Variants in ORC2 observed in about 807,000 individuals in gnomAD.
ORC2 encodes the protein origin recognition complex protein 2 homolog.
In ORC2, 37 loss-of-function variants were observed where a neutral mutation model predicts 77.7. The ratio of observed to expected loss-of-function variants is 0.48; its 90% CI spans 0.37 to 0.63. The LOEUF is 0.63. ORC2 is among the 20% of genes least tolerant of loss of function. ORC2 has a pLI of 0.00. For missense variants in ORC2, 557 were observed against 661.9 expected, an observed-to-expected ratio of 0.84 and a Z score of 1.74; for synonymous variants, 201 against 229.5, an observed-to-expected ratio of 0.88 and a Z score of 1.12.
At chr2:200,945,692 T>C (rs892316814) in intron 5 of ORC2, among the ~76,000 whole-genome samples, 2 of 152,242 alleles carry the variant, frequency 1.3e-5, no homozygotes, top group Non-Finnish European at 2.9e-5. Flanking sequence ...CTCTGTCTAA[T>C]GATAGCTTTA....
chr2:200,939,596 C>G (rs16836058), intron 7 of ORC2, among the ~76,000 whole-genome samples: 6,365 of 152,288 alleles, frequency 0.042, 174 homozygotes, highest in Non-Finnish European at 0.064. Context: ...ATGTCCCTAA[C>G]TTTGCCCAAT....
chr2:200,913,625 G>A, intron 16 of ORC2: 4 of 1,298,914 alleles, frequency 3.1e-6, no homozygotes, highest in South Asian at 2.2e-5. Context: ...TTGCCAAAGG[G>A]GAAGAAAATC....
At chr2:200,911,825 A>G (rs1228230487) in intron 17 of ORC2, among the ~76,000 whole-genome samples, 3 of 152,092 alleles carry the variant, frequency 2.0e-5, no homozygotes, top group African/African-American at 7.2e-5. Context: ...TTATCTCTGC[A>G]CTTCTCCAAG....
intron 3 of ORC2, 128 bp from the exon 4 acceptor site, chr2:200,957,672 T>C (rs2041495681): frequency 3.1e-6 from 2 of 649,494 alleles, no homozygotes; most frequent in South Asian, 7.9e-5. Flanking sequence ...TTCTCTTTGA[T>C]TAAAACTGAC....
intron 4 of ORC2, among the ~76,000 whole-genome samples, chr2:200,952,511 T>C (rs970448765): frequency 3.2e-4 from 48 of 152,108 alleles, no homozygotes; most frequent in African/African-American, 1.1e-3. Context: ...TCCACCCACC[T>C]TGGCCTCCCA....
At chr2:200,945,886 G>A (rs981456352) in intron 5 of ORC2, among the ~76,000 whole-genome samples, 3 of 151,812 alleles carry the variant, frequency 2.0e-5, no homozygotes, top group Admixed American at 6.6e-5. Context: ...ATATCTCTTC[G>A]ACATACTCAT....
chr2:200,953,112 C>CAAAA (rs768496100), intron 4 of ORC2, among the ~76,000 whole-genome samples: 1 of 48,586 alleles, frequency 2.1e-5, no homozygotes, highest in Non-Finnish European at 4.2e-5. Flanking sequence ...GACCCTGTCT[C>CAAAA]AAAAAAAAAA....
At chr2:200,954,938 A>G (rs908591361) in intron 4 of ORC2, among the ~76,000 whole-genome samples, 2 of 146,870 alleles carry the variant, frequency 1.4e-5, no homozygotes, top group Non-Finnish European at 3.0e-5. Flanking sequence ...AAATAAATAA[A>G]TGGTATGGGT....
At chr2:200,915,356 T>G (rs531940858) in intron 15 of ORC2, among the ~76,000 whole-genome samples, 2 of 152,294 alleles carry the variant, frequency 1.3e-5, no homozygotes, top group East Asian at 3.9e-4. Context: ...TAAGGAAGTT[T>G]TAACAACTGC....
At chr2:200,923,370 T>A (rs1559007845) in intron 13 of ORC2, among the ~76,000 whole-genome samples, 1 of 152,104 alleles carries the variant, frequency 6.6e-6, no homozygotes, top group South Asian at 2.1e-4. Context: ...TGTCTCAGCC[T>A]CCCGACTAGC....
chr2:200,953,173 A>C (rs1575183588), intron 4 of ORC2, among the ~76,000 whole-genome samples: 1 of 151,630 alleles, frequency 6.6e-6, no homozygotes, highest in African/African-American at 2.4e-5. Flanking sequence ...ACAAACTTAC[A>C]TTCAAAGACT....
intron 5 of ORC2, among the ~76,000 whole-genome samples, chr2:200,945,440 C>T (rs1264534247): frequency 8.2e-6 from 1 of 121,418 alleles, no homozygotes; most frequent in African/African-American, 4.2e-5. Context: ...GACTTTAGCC[C>T]GAGCTAAAGG....
At chr2:200,927,194 C>G (rs1417381221) in intron 11 of ORC2, among the ~76,000 whole-genome samples, 1 of 151,886 alleles carries the variant, frequency 6.6e-6, no homozygotes, top group Non-Finnish European at 1.5e-5. Context: ...AGCAACTCTT[C>G]AGCGTCAGTC....
chr2:200,918,932 G>A lies in ORC2; in HGVS notation c.1466+1290C>T, dbSNP rs16835661. Among the ~76,000 whole-genome samples, 1,483 of 152,168 alleles carry A rather than the reference G, an allele frequency of 9.7e-3. 19 individuals carry two copies. Among genetic ancestry groups the A allele is most frequent in the African/African-American group, 0.034 (1,416 of 41,476 alleles). On this transcript the variant is annotated intron_variant, in intron 15 of 17. Coordinates refer to ENST00000234296, the MANE Select transcript of ORC2 (RefSeq NM_006190.5). The stretch of plus-strand genomic sequence containing the variant: ...ATCACCCAGGCTGGAGTGCAGTGGC[G>A]CAATCTCGGCTCCCTTCAGCCTCCT...
At chr2:200,939,284 T>C (rs538567776) in intron 7 of ORC2, among the ~76,000 whole-genome samples, 1 of 152,230 alleles carries the variant, frequency 6.6e-6, no homozygotes, top group South Asian at 2.1e-4. Context: ...AGATTGAGTA[T>C]TGAGATAACT....
intron 11 of ORC2, among the ~76,000 whole-genome samples, chr2:200,928,043 A>T (rs1295815652): frequency 6.6e-6 from 1 of 152,082 alleles, no homozygotes; most frequent in Non-Finnish European, 1.5e-5. Flanking sequence ...CTTCCTAAAA[A>T]AAAAAAGTAT....
chr2:200,926,207 A>T (rs2040836281), intron 12 of ORC2, among the ~76,000 whole-genome samples: 1 of 152,208 alleles, frequency 6.6e-6, no homozygotes, highest in South Asian at 2.1e-4. Flanking sequence ...GCTCCCAAGA[A>T]CATGAGAAAC....
chr2:200,933,669 A>G lies in ORC2; in HGVS notation c.807+207T>C, dbSNP rs2040982404. 3.3e-5 allele frequency among the ~76,000 whole-genome samples: 5 copies of G among 152,130 alleles called. No homozygotes were observed. The South Asian group carries it at 1.0e-3, about 31-fold the overall frequency. On this transcript the variant is annotated intron_variant, in intron 10 of 17. Transcript: ENST00000234296. The stretch of plus-strand genomic sequence containing the variant: ...CATAATCCTCCTCCCTTGGCCTCCC[A>G]AGGTGCTGAGATTACAGGTATGAGC...
chr2:200,919,420 G>A (rs960763831), intron 15 of ORC2, among the ~76,000 whole-genome samples: 3 of 152,154 alleles, frequency 2.0e-5, no homozygotes, highest in Non-Finnish European at 4.4e-5. Context: ...GTGCAGTGGT[G>A]CAATCTCAGC....
Sources: allele counts gnomAD v4.1 joint callset (sites outside exome capture counted in the v4.1 genomes callset), GRCh38; gene constraint gnomAD v4.1.1; transcripts MANE v1.5; gene names NCBI Gene and HGNC (gene_info 2026-07-23, HGNC 2026-07-21).